FAT3: variants seen among roughly 807,000 people sequenced by gnomAD.
The protein encoded by FAT3 is FAT atypical cadherin 3, also known as protocadherin Fat 3.
In FAT3, 95 loss-of-function variants were observed where a neutral mutation model predicts 310.2. The observed-to-expected ratio is 0.31, with a 90% CI of 0.26 to 0.36. The LOEUF (loss-of-function observed/expected upper bound fraction) is 0.36, where lower values mean the gene tolerates loss of function less well. Among genes scored for constraint, FAT3 ranks in the 10% least tolerant of loss-of-function variants. The pLI, the probability that FAT3 is intolerant of heterozygous loss-of-function variation, is 1.00. For missense variants in FAT3, 5,408 were observed against 5,715.6 expected (o/e 0.95, Z 1.74); for synonymous variants, 2,314 against 2,192.9 (o/e 1.06, Z -1.54).
At chr11:92,859,137 A>G (rs1186751089) in intron 20 of FAT3, 28 bp from the exon 21 acceptor site, 2 of 1,603,804 alleles carry the variant, frequency 1.2e-6, no homozygotes, top group South Asian at 2.2e-5. Flanking sequence ...TTAAAAATAT[A>G]TATGTCTTCT....
intron 2 of FAT3, among the ~76,000 whole-genome samples, chr11:92,514,671 T>C (rs1339510419): frequency 1.3e-5 from 2 of 152,060 alleles, no homozygotes. Flanking sequence ...TCCTATTGAA[T>C]CAGAGACAGA....
intron 4 of FAT3, among the ~76,000 whole-genome samples, chr11:92,705,679 C>T (rs867441497): frequency 2.8e-4 from 6 of 21,542 alleles, no homozygotes; most frequent in Non-Finnish European, 4.2e-4. Flanking sequence ...GTGTAGTGAT[C>T]GTGGTGGTGT....
intron 12 of FAT3, 118 bp downstream of exon 12, chr11:92,806,633 G>C: frequency 1.2e-6 from 1 of 855,104 alleles, no homozygotes. Flanking sequence ...TAGGGATGGA[G>C]GGAAATTTTC....
chr11:92,867,071 C>T lies in FAT3; in HGVS notation c.11989C>T (p.Pro3997Ser). Reference protein sequence around the residue: ...DSVILNNNELPLQNKRSSFAE... With the variant: ...DSVILNNNELSLQNKRSSFAE... Reference sequence around the variant, plus strand: ...GGTGATACTGAATAACAATGAGCTGCCGCTGCAGAACAAGCGCAGCAGCTT... The same window carrying T: ...GGTGATACTGAATAACAATGAGCTGTCGCTGCAGAACAAGCGCAGCAGCTT... Residue 3997 changes from proline to serine, a missense_variant, in exon 22 of 28, where the codon CCG (proline) becomes TCG (serine). Pro to Ser is a moderately conservative substitution (Grantham distance 74). Transcript: ENST00000525166. The T allele has an allele frequency of 6.3e-7, 1 of 1,590,826 alleles. No individual in the cohort carries two copies. Among genetic ancestry groups the T allele is most frequent in the Non-Finnish European group, 8.6e-7 (1 of 1,168,960 alleles).
chr11:92,277,982 G>C, intron 1 of FAT3, among the ~76,000 whole-genome samples: 1 of 152,060 alleles, frequency 6.6e-6, no homozygotes, highest in Non-Finnish European at 1.5e-5. Flanking sequence ...TCCTCAGGAG[G>C]CTGACTGATG....
At chr11:92,307,562 C>G (rs1003020077) in intron 1 of FAT3, among the ~76,000 whole-genome samples, 3 of 152,148 alleles carry the variant, frequency 2.0e-5, no homozygotes, top group Admixed American at 1.3e-4. Context: ...TAAACAGCAT[C>G]TAATACTTGG....
chr11:92,405,226 C>T (rs1950111513), intron 2 of FAT3, among the ~76,000 whole-genome samples: 1 of 152,068 alleles, frequency 6.6e-6, no homozygotes, highest in Non-Finnish European at 1.5e-5. Flanking sequence ...GAGGTTGCTT[C>T]ACTCTGATCA....
intron 6 of FAT3, among the ~76,000 whole-genome samples, chr11:92,768,865 T>C (rs1001050646): frequency 1.3e-5 from 2 of 152,174 alleles, no homozygotes; most frequent in African/African-American, 4.8e-5. Context: ...GACCCAGTGC[T>C]TGCAGACACC....
At chr11:92,590,877 G>T (rs905385295) in intron 3 of FAT3, among the ~76,000 whole-genome samples, 1 of 152,090 alleles carries the variant, frequency 6.6e-6, no homozygotes, top group African/African-American at 2.4e-5. Flanking sequence ...GTGGTCAGAT[G>T]AGCTGAGATT....
chr11:92,800,329 G>A lies in FAT3; in HGVS notation c.7316G>A (p.Arg2439Gln), dbSNP rs149993900. ...LEYSILSGNDRTSFLMDSKSG... is the reference protein window; with the variant it reads ...LEYSILSGNDQTSFLMDSKSG... ...TATAGCATTTTATCTGGGAATGACC[G>A]GACGAGCTTTCTGATGGACAGCAAG... Residue 2439 changes from arginine (R) to glutamine (Q), a missense_variant, in exon 10 of 28, where the codon CGG (arginine) becomes CAG (glutamine). By Grantham distance (43) the Arg-to-Gln change is conservative. Around this residue, in one of 5 missense-constraint regions of FAT3, gnomAD observed 4,588 missense variants for 4,809.8 expected, o/e 0.95. Transcript: ENST00000525166. The A allele has an allele frequency of 3.8e-4, 609 of 1,613,932 alleles. No homozygotes were observed. Among genetic ancestry groups the A allele is most frequent in the Non-Finnish European group, 4.6e-4 (548 of 1,179,856 alleles).
At chr11:92,386,607 T>G (rs1274709422) in intron 2 of FAT3, among the ~76,000 whole-genome samples, 1 of 152,164 alleles carries the variant, frequency 6.6e-6, no homozygotes, top group Non-Finnish European at 1.5e-5. Context: ...CATTAGATAG[T>G]TGTTGAATGA....
intron 2 of FAT3, among the ~76,000 whole-genome samples, chr11:92,460,077 C>CT (rs992020907): frequency 6.6e-6 from 1 of 152,132 alleles, no homozygotes; most frequent in Non-Finnish European, 1.5e-5. Context: ...TCTCTGTCTT[C>CT]TTTTTTCCTC....
At chr11:92,272,054 A>G (rs375850064) in intron 1 of FAT3, among the ~76,000 whole-genome samples, 5 of 152,252 alleles carry the variant, frequency 3.3e-5, no homozygotes, top group Admixed American at 2.6e-4. Context: ...GTTGTCCTCC[A>G]TCTCCCTTCT....
intron 4 of FAT3, among the ~76,000 whole-genome samples, chr11:92,748,548 A>G (rs2676164): frequency 0.59 from 89,178 of 151,922 alleles, 28,052 homozygotes; most frequent in African/African-American, 0.83. Context: ...TTCTGATGAA[A>G]ACTTTCCCTT....
Position 92,891,256 on chromosome 11 carries a change from C to T in FAT3, c.*143C>T. On this transcript the variant is annotated 3_prime_UTR_variant, in exon 28 of 28. Transcript: ENST00000525166. ...ACTAGAAACTTCTTCACAAGTCATA[C>T]TGTCCCAACAAGCAAGCTTGATTCC... is the stretch of plus-strand genomic sequence containing the variant. 8.7e-7 allele frequency: 1 copy of T among 1,150,766 alleles called. No individual in the cohort carries two copies. Among genetic ancestry groups the T allele is most frequent in the Non-Finnish European group, 1.2e-6 (1 of 827,692 alleles). 71.3% of individuals were successfully genotyped at this position (1,150,766 alleles called of 1,614,324 possible). A position where few individuals can be genotyped will look rare whatever the true frequency, so the allele number is the denominator to read the frequency against.
rs370176839 is a variant in FAT3 at position 92,742,409 on chromosome 11, C to A, written c.3670-19447C>A. ...AAGTATATTCTCCATGTTGGAAGAA[C>A]AAATGGACTGTGAATTCCCTGAAGG... On this transcript the variant is annotated intron_variant, in intron 4 of 27. Coordinates refer to ENST00000525166, the MANE Select transcript of FAT3 (RefSeq NM_001367949.2). Among the ~76,000 whole-genome samples the A allele has an allele frequency of 2.2e-4, 34 of 152,302 alleles. No individual in the cohort carries two copies. In the South Asian group the frequency reaches 2.9e-3, roughly 13 times the overall value.
At position 92,768,029 on chromosome 11, in the gene FAT3, C is replaced by G. The variant is rs986144383; in HGVS notation, c.4195+2940C>G. Among the ~76,000 whole-genome samples the G allele has an allele frequency of 2.0e-5, 3 of 152,178 alleles. No individual in the cohort carries two copies. The South Asian group carries it at 6.2e-4, about 31-fold the overall frequency. On this transcript the variant is annotated intron_variant, in intron 6 of 27. Transcript: ENST00000525166. ...GAGAGAGGCAGTTTACAGATGAGAG[C>G]TCTCCCTGGAAGGAGTCCCTTTAAG... is the stretch of plus-strand genomic sequence containing the variant.
At chr11:92,699,917 G>A (rs1407719593) in intron 4 of FAT3, among the ~76,000 whole-genome samples, 1 of 152,130 alleles carries the variant, frequency 6.6e-6, no homozygotes, top group African/African-American at 2.4e-5. Flanking sequence ...AGATTTAACA[G>A]CACCTCCCCA....
intron 1 of FAT3, among the ~76,000 whole-genome samples, chr11:92,274,770 T>C (rs1269103182): frequency 6.6e-6 from 1 of 152,220 alleles, no homozygotes; most frequent in Non-Finnish European, 1.5e-5. Flanking sequence ...TTTTTTAAAG[T>C]GGAAAAGAAA....
Sources: allele counts gnomAD v4.1 joint callset (sites outside exome capture counted in the v4.1 genomes callset), GRCh38; gene constraint gnomAD v4.1.1; regional missense constraint gnomAD v4.1.1; transcripts MANE v1.5; gene names NCBI Gene and HGNC (gene_info 2026-07-23, HGNC 2026-07-21).